Variants in ARHGEF4 observed in about 807,000 individuals in gnomAD.
The protein encoded by ARHGEF4 is Rho guanine nucleotide exchange factor 4.
ARHGEF4 carries 119 observed loss-of-function variants against 162.0 expected under a neutral mutation model. That is an observed-to-expected ratio of 0.73 (90% CI 0.63 to 0.86). ARHGEF4 has a LOEUF of 0.86. Among genes scored for constraint, ARHGEF4 ranks in the 40% least tolerant of loss-of-function variants. The pLI, the probability that ARHGEF4 is intolerant of heterozygous loss-of-function variation, is 0.00. For synonymous variants in ARHGEF4, 1,014 were observed against 979.9 expected (o/e 1.03, Z -0.65); for missense variants, 2,488 against 2,456.0 (o/e 1.01, Z -0.28).
At chr2:130,900,254 T>C (rs866548363) in intron 1 of ARHGEF4, among the ~76,000 whole-genome samples, 4 of 152,230 alleles carry the variant, frequency 2.6e-5, no homozygotes, top group African/African-American at 9.7e-5. Context: ...CGTTATTTAG[T>C]TGTTCTTTAT....
At chr2:130,898,896 CA>C (rs1680319942) in intron 1 of ARHGEF4, among the ~76,000 whole-genome samples, 1 of 152,144 alleles carries the variant, frequency 6.6e-6, no homozygotes, top group Admixed American at 6.5e-5. Flanking sequence ...ACCAGGGGTT[CA>C]GTTTGATAGG....
intron 4 of ARHGEF4, among the ~76,000 whole-genome samples, chr2:130,968,459 A>G: frequency 6.6e-6 from 1 of 152,172 alleles, no homozygotes; most frequent in East Asian, 1.9e-4. Context: ...ACTAACATAA[A>G]CAAATGCAGA....
chr2:130,980,071 A>G (rs1319683493), intron 4 of ARHGEF4, among the ~76,000 whole-genome samples: 7 of 152,214 alleles, frequency 4.6e-5, no homozygotes, highest in African/African-American at 1.7e-4. Context: ...CTAGTATTCT[A>G]GTAACATAAC....
chr2:130,934,546 G>C (rs1459954369), intron 3 of ARHGEF4, among the ~76,000 whole-genome samples: 1 of 151,900 alleles, frequency 6.6e-6, no homozygotes, highest in East Asian at 1.9e-4. Flanking sequence ...ATTTCTTCTT[G>C]TTTTGTTTTG....
Position 130,947,793 on chromosome 2 carries a change from C to T in ARHGEF4, c.3985+1158C>T, listed in dbSNP as rs996634528. On this transcript the variant is annotated intron_variant, in intron 4 of 13. Coordinates refer to ENST00000409359, the MANE Select transcript of ARHGEF4 (RefSeq NM_001367493.1). ...AGGGCTGGACACGCTAAGTGAGGCT[C>T]AAGGCAGATCTGTCTTCTGGTGGAA... Among the ~76,000 whole-genome samples, 35 of 152,152 alleles carry T rather than the reference C, an allele frequency of 2.3e-4. 1 individual carries two copies. Among genetic ancestry groups the T allele is most frequent in the African/African-American group, 7.7e-4 (32 of 41,428 alleles).
chr2:130,884,302 G>GCACA (rs146732158), intron 1 of ARHGEF4, among the ~76,000 whole-genome samples: 76 of 150,642 alleles, frequency 5.0e-4, no homozygotes, highest in African/African-American at 1.8e-3. Context: ...ATAGGCACGT[G>GCACA]CACACACACA....
chr2:130,917,227 C>T lies in ARHGEF4; in HGVS notation c.3281C>T (p.Pro1094Leu), dbSNP rs1397680620. 1 of 1,550,414 alleles carries T rather than the reference C, an allele frequency of 6.4e-7. No individual in the cohort carries two copies. The highest frequency in any genetic ancestry group is 1.4e-5 in the African/African-American group (1 of 73,024). ...CCCTGCAGACCCACGAGCCCCAAGC[C>T]CCTGAGTCCCAGGCCTAGTGCTCAG... ...GTPCRPTSPK[P>L]LSPRPSAQRM... The change falls in exon 2 of 14, where the codon CCC becomes CTC. Residue 1094 changes from proline to leucine, a missense_variant. Pro to Leu is a moderately conservative substitution (Grantham distance 98, BLOSUM62 -3). Coordinates refer to ENST00000409359, the MANE Select transcript of ARHGEF4 (RefSeq NM_001367493.1).
intron 1 of ARHGEF4, among the ~76,000 whole-genome samples, chr2:130,845,630 A>G (rs1249074988): frequency 2.6e-5 from 4 of 152,090 alleles, no homozygotes; most frequent in Admixed American, 6.5e-5. Context: ...CATGCTGACT[A>G]TGAGAACATC....
chr2:130,853,575 G>C (rs1217459231), intron 1 of ARHGEF4, among the ~76,000 whole-genome samples: 2 of 152,192 alleles, frequency 1.3e-5, no homozygotes, highest in African/African-American at 4.8e-5. Flanking sequence ...GTGTCCCCTG[G>C]GGATGAGCTG....
chr2:130,916,652 G>GA lies in ARHGEF4; in HGVS notation c.2712dup (p.Leu905ThrfsTer10), dbSNP rs979869224. 13 of 1,550,488 alleles carry GA rather than the reference G, an allele frequency of 8.4e-6. No homozygotes were observed. The highest frequency in any genetic ancestry group is 2.0e-5 in the Admixed American group (1 of 50,990). On this transcript the variant is annotated frameshift_variant, in exon 2 of 14. Coordinates refer to ENST00000409359, the MANE Select transcript of ARHGEF4 (RefSeq NM_001367493.1). LOFTEE classifies it high-confidence loss of function. The stretch of plus-strand genomic sequence containing the variant: ...ACGCAAAGAGACTCAAAACAACGGA[G>GA]AAAAAACTCAGGGCAAGGTTGGCCT...
At chr2:130,895,754 C>T (rs1327915032) in intron 1 of ARHGEF4, among the ~76,000 whole-genome samples, 3 of 152,278 alleles carry the variant, frequency 2.0e-5, no homozygotes, top group Admixed American at 6.5e-5. Flanking sequence ...CTGGCAGATA[C>T]ATATTTTTTC....
chr2:130,940,946 A>G (rs1220462494), intron 3 of ARHGEF4, among the ~76,000 whole-genome samples: 2 of 152,100 alleles, frequency 1.3e-5, no homozygotes, highest in Admixed American at 6.5e-5. Flanking sequence ...GTAGTCAGAA[A>G]ACAGTATTCG....
intron 1 of ARHGEF4, among the ~76,000 whole-genome samples, chr2:130,883,152 C>T (rs1010894372): frequency 3.3e-5 from 5 of 152,010 alleles, no homozygotes; most frequent in African/African-American, 4.8e-5. Context: ...CCCTCTCTGA[C>T]GGTACTCGGA....
At chr2:130,869,260 A>G (rs1333270736) in intron 1 of ARHGEF4, among the ~76,000 whole-genome samples, 1 of 152,118 alleles carries the variant, frequency 6.6e-6, no homozygotes, top group Admixed American at 6.6e-5. Flanking sequence ...CTGAGAAGTA[A>G]TCTGTGCCGG....
chr2:130,851,483 G>A (rs1030013877), intron 1 of ARHGEF4, among the ~76,000 whole-genome samples: 1 of 152,224 alleles, frequency 6.6e-6, no homozygotes, highest in African/African-American at 2.4e-5. Context: ...TGCGGGTTGG[G>A]GAGTTTGCTG....
At chr2:130,989,561 CA>C (rs1686800592) in intron 4 of ARHGEF4, among the ~76,000 whole-genome samples, 1 of 152,158 alleles carries the variant, frequency 6.6e-6, no homozygotes, top group Non-Finnish European at 1.5e-5. Flanking sequence ...GAACAAGTGT[CA>C]AAACGGAATA....
At chr2:130,856,116 C>A (rs939810039) in intron 1 of ARHGEF4, among the ~76,000 whole-genome samples, 22 of 152,116 alleles carry the variant, frequency 1.4e-4, no homozygotes, top group Admixed American at 5.9e-4. Context: ...TAAAGGAAGC[C>A]ATGAATAAAG....
chr2:130,842,925 G>A (rs974870807), intron 1 of ARHGEF4, among the ~76,000 whole-genome samples: 55 of 152,192 alleles, frequency 3.6e-4, no homozygotes, highest in Admixed American at 3.5e-3. Context: ...AGGGGGCGAC[G>A]TGCAGCTGGG....
intron 1 of ARHGEF4, among the ~76,000 whole-genome samples, chr2:130,849,303 G>A (rs964068703): frequency 1.3e-5 from 2 of 152,256 alleles, no homozygotes; most frequent in Non-Finnish European, 1.5e-5. Flanking sequence ...GCAGAGAGAT[G>A]CAGGCAGGGC....
Sources: gnomAD v4.1 joint callset for allele counts (sites outside exome capture counted in the v4.1 genomes callset) on GRCh38, gnomAD v4.1.1 for gene constraint, MANE v1.5 for transcripts, NCBI Gene and HGNC (gene_info 2026-07-23, HGNC 2026-07-21) for gene names.